PRKCB: variants seen among roughly 807,000 people sequenced by gnomAD.
The protein encoded by PRKCB is protein kinase C beta.
PRKCB carries 13 observed loss-of-function variants against 81.5 expected under a neutral mutation model. The ratio of observed to expected loss-of-function variants is 0.16; its 90% confidence interval spans 0.10 to 0.25. PRKCB has a LOEUF of 0.25. PRKCB is among the 10% of genes least tolerant of loss of function. The pLI is 1.00. For synonymous variants in PRKCB, 335 were observed against 321.4 expected (o/e 1.04, Z -0.45); for missense variants, 509 against 875.7 (o/e 0.58, Z 5.29).
intron 10 of PRKCB, among the ~76,000 whole-genome samples, chr16:24,162,485 G>A (rs1175716847): frequency 1.1e-5 from 1 of 90,318 alleles, no homozygotes; most frequent in Non-Finnish European, 2.0e-5. Flanking sequence ...ATCTCCCTTT[G>A]TCACCCAGGC....
chr16:23,943,340 C>T (rs1964160789), intron 2 of PRKCB, among the ~76,000 whole-genome samples: 1 of 152,118 alleles, frequency 6.6e-6, no homozygotes, highest in African/African-American at 2.4e-5. Context: ...ACGTGGACAA[C>T]ATAGCAAGAC....
At chr16:23,981,687 CCCTT>C (rs1964709080) in intron 2 of PRKCB, among the ~76,000 whole-genome samples, 1 of 116,460 alleles carries the variant, frequency 8.6e-6, no homozygotes, top group Admixed American at 8.3e-5. Flanking sequence ...CCTTCCCCTT[CCCTT>C]CCCCTTCCCT....
At chr16:24,044,483 C>T (rs1463163849) in intron 5 of PRKCB, among the ~76,000 whole-genome samples, 1 of 152,182 alleles carries the variant, frequency 6.6e-6, no homozygotes, top group Non-Finnish European at 1.5e-5. Context: ...ATGATTTATA[C>T]ACTTTTCTAT....
chr16:23,936,823 A>G (rs1037132522), intron 2 of PRKCB, among the ~76,000 whole-genome samples: 1 of 152,132 alleles, frequency 6.6e-6, no homozygotes, highest in African/African-American at 2.4e-5. Flanking sequence ...GCCATTACAA[A>G]CAATGCCATT....
chr16:24,207,857 G>A (rs898289234), intron 16 of PRKCB, among the ~76,000 whole-genome samples: 6 of 152,214 alleles, frequency 3.9e-5, no homozygotes, highest in Non-Finnish European at 8.8e-5. Flanking sequence ...GTTCCTGGCA[G>A]AGGAGGCAGC....
Position 24,219,318 on chromosome 16 carries a change from T to A in PRKCB, c.*4502T>A, listed in dbSNP as rs1968283188. The A allele has an allele frequency of 1.0e-6, 1 of 958,718 alleles. No homozygotes were observed. Among genetic ancestry groups the A allele is most frequent in the African/African-American group, 2.1e-5 (1 of 46,954 alleles). The allele number at this position is 958,718 out of a possible 1,614,324, so 59.4% of individuals were successfully genotyped here. ...CCTCCTTTAAGCTTTGGGTTTTCTC[T>A]CTTATAGTTTGTTGACACATGCTAA... On this transcript the variant is annotated 3_prime_UTR_variant, in exon 17 of 17. Transcript: ENST00000643927.
Position 23,911,178 on chromosome 16 carries a change from C to T in PRKCB, c.205+73772C>T, listed in dbSNP as rs376822249. ...TGAGACAAGGTCACCCAGGCTGGAG[C>T]GCAGTGGCACAATCACAGCTCATTG... On this transcript the variant is annotated intron_variant, in intron 2 of 16. Transcript: ENST00000643927. Among the ~76,000 whole-genome samples, 21 of 110,264 alleles carry T rather than the reference C, an allele frequency of 1.9e-4. No individual in the cohort carries two copies. In the South Asian group the frequency reaches 2.3e-3, roughly 12 times the overall value. The allele number at this position is 110,264 out of a possible 152,430, so 72.3% of individuals were successfully genotyped here. A position where few individuals can be genotyped will look rare whatever the true frequency, so the allele number is the denominator to read the frequency against.
chr16:23,995,192 C>T (rs1250484617), intron 3 of PRKCB, among the ~76,000 whole-genome samples: 1 of 152,132 alleles, frequency 6.6e-6, no homozygotes, highest in Non-Finnish European at 1.5e-5. Context: ...ACTGGGCCTA[C>T]TTGGATTTTG....
At chr16:24,040,845 G>C (rs974531991) in intron 5 of PRKCB, among the ~76,000 whole-genome samples, 3 of 152,162 alleles carry the variant, frequency 2.0e-5, no homozygotes, top group Non-Finnish European at 2.9e-5. Flanking sequence ...TACTGGGACT[G>C]AGACCCGCTT....
In PRKCB at chr16:24,094,165, A is replaced by G; in HGVS notation, c.689A>G (p.Gln230Arg). ...GTCTTTTCTTTTTCTCTATGCAGTC[A>G]GCTGAAAGAATCGGACAAAGACAGA... ...NPEWNETFRFQLKESDKDRRL... is the reference protein window; with the variant it reads ...NPEWNETFRFRLKESDKDRRL... The change falls in exon 7 of 17, where the codon CAG (glutamine) becomes CGG (arginine). Residue 230 changes from glutamine to arginine, a missense_variant and splice_region_variant. By Grantham distance (43) the Gln-to-Arg change is conservative. Around this residue, in one of 6 missense-constraint regions of PRKCB, gnomAD observed 184 missense variants for 362.9 expected, o/e 0.51. Transcript: ENST00000643927. The G allele has an allele frequency of 6.2e-7, 1 of 1,613,716 alleles. No homozygotes were observed. Among genetic ancestry groups the G allele is most frequent in the South Asian group, 1.1e-5 (1 of 91,044 alleles).
chr16:23,980,798 A>ATATAT (rs1964688979), intron 2 of PRKCB, among the ~76,000 whole-genome samples: 1 of 148,702 alleles, frequency 6.7e-6, no homozygotes, highest in African/African-American at 2.5e-5. Flanking sequence ...CTCCAAACAG[A>ATATAT]ATATATATAT....
At chr16:24,143,544 G>A (rs778304914) in intron 9 of PRKCB, among the ~76,000 whole-genome samples, 1 of 152,132 alleles carries the variant, frequency 6.6e-6, no homozygotes, top group African/African-American at 2.4e-5. Context: ...GGGAGAGGGA[G>A]CTAGGGAGGG....
chr16:24,050,954 G>A (rs560757230), intron 5 of PRKCB, among the ~76,000 whole-genome samples: 127 of 150,434 alleles, frequency 8.4e-4, no homozygotes, highest in Non-Finnish European at 8.6e-4. Context: ...TTTTTTTTGA[G>A]ACTCCAGGAT....
chr16:24,186,144 G>A (rs901460641), intron 15 of PRKCB, among the ~76,000 whole-genome samples: 1 of 152,148 alleles, frequency 6.6e-6, no homozygotes, highest in Non-Finnish European at 1.5e-5. Context: ...TTATGCACAG[G>A]GCACCTGTGA....
At chr16:24,125,229 C>T (rs935613864) in intron 9 of PRKCB, among the ~76,000 whole-genome samples, 4 of 152,210 alleles carry the variant, frequency 2.6e-5, no homozygotes, top group Non-Finnish European at 5.9e-5. Context: ...TCAAGGGGCT[C>T]CCCTGCTTAA....
chr16:23,886,406 GTTTTTTTTTTTT>G (rs398029038), intron 2 of PRKCB, among the ~76,000 whole-genome samples: 3 of 70,196 alleles, frequency 4.3e-5, no homozygotes, highest in African/African-American at 1.3e-4. Context: ...TGTGTTAGGT[GTTTTTTTTTTTT>G]TTTTTTTTTT....
chr16:24,211,705 C>A (rs934118820), intron 16 of PRKCB, among the ~76,000 whole-genome samples: 3 of 151,834 alleles, frequency 2.0e-5, no homozygotes, highest in Non-Finnish European at 1.5e-5. Flanking sequence ...ATTACAGGCA[C>A]CTGACACCAC....
chr16:23,915,936 G>A (rs561548563), intron 2 of PRKCB, among the ~76,000 whole-genome samples: 109 of 152,042 alleles, frequency 7.2e-4, no homozygotes, highest in African/African-American at 2.6e-3. Context: ...ATTAAAATTA[G>A]AAACCAAACT....
intron 2 of PRKCB, among the ~76,000 whole-genome samples, chr16:23,977,368 G>A (rs196012): frequency 0.75 from 114,748 of 151,992 alleles, 44,313 homozygotes; most frequent in East Asian, 0.99. Context: ...CTTTTAAAAC[G>A]TACTGATGCC....
Sources: allele counts gnomAD v4.1 joint callset (sites outside exome capture counted in the v4.1 genomes callset), GRCh38; gene constraint gnomAD v4.1.1; regional missense constraint gnomAD v4.1.1; transcripts MANE v1.5; gene names NCBI Gene and HGNC (gene_info 2026-07-23, HGNC 2026-07-21).